The following CYCS variants were observed in gnomAD, a reference collection of about 807,000 sequenced individuals.
CYCS encodes the protein cytochrome c, somatic.
For synonymous variants in CYCS, 41 were observed against 43.0 expected (o/e 0.95, Z 0.18); for missense variants, 87 against 125.3 (o/e 0.69, Z 1.46).
At chr7:25,124,275 T>C (rs1783408715) in intron 1 of CYCS, 148 bp from the exon 2 acceptor site, 3 of 709,680 alleles carry the variant, frequency 4.2e-6, no homozygotes, top group East Asian at 2.7e-5. Context: ...TTTAATACTC[T>C]TTATACCAAA....
rs1476375421 is a variant in CYCS, at chr7:25,121,646, A to C, written c.*2055T>G. 6.6e-6 allele frequency: 1 copy of C among 152,134 alleles called. No homozygotes were observed. Among genetic ancestry groups the C allele is most frequent in the Non-Finnish European group, 1.5e-5 (1 of 68,022 alleles). 9.4% of individuals were successfully genotyped at this position (152,134 alleles called of 1,614,324 possible). A position where few individuals can be genotyped will look rare whatever the true frequency, so the allele number is the denominator to read the frequency against. On this transcript the variant is annotated 3_prime_UTR_variant, in exon 3 of 3. Transcript: ENST00000305786. Reference sequence around the variant, plus strand: ...AATAAGATTTCTGAATTTGAAAACCAGGCAGGGCCTGGTGGCTCACGCCTG... The same window carrying C: ...AATAAGATTTCTGAATTTGAAAACCCGGCAGGGCCTGGTGGCTCACGCCTG...
Position 25,124,077 on chromosome 7 carries a change from A to C in CYCS, c.43T>G (p.Cys15Gly). The change falls in exon 2 of 3, where the codon TGT becomes GGT. Residue 15 changes from cysteine (C) to glycine (G), a missense_variant. Coordinates refer to ENST00000305786, the MANE Select transcript of CYCS (RefSeq NM_018947.6). ...EKGKKIFIMK[C>G]SQCHTVEKGG... ...TTTTCAACGGTGTGGCACTGGGAAC[A>C]CTTCATAATAAAAATCTTCTTGCCT... The C allele has an allele frequency of 6.2e-7, 1 of 1,613,932 alleles. No homozygotes were observed. The highest frequency in any genetic ancestry group is 1.1e-5 in the South Asian group (1 of 91,078).
In CYCS at chr7:25,123,511, A is replaced by T. The variant is rs1783394049; in HGVS notation, c.*190T>A. On this transcript the variant is annotated 3_prime_UTR_variant, in exon 3 of 3. Coordinates refer to ENST00000305786, the MANE Select transcript of CYCS (RefSeq NM_018947.6). Reference sequence around the variant, plus strand: ...CATTTACTGAATTGGAGTTACTATTAAAATTCAAAAACTGAACATATTCAT... The same window carrying T: ...CATTTACTGAATTGGAGTTACTATTTAAATTCAAAAACTGAACATATTCAT... 5.0e-6 allele frequency: 3 copies of T among 603,020 alleles called. No individual in the cohort carries two copies. The highest frequency in any genetic ancestry group is 2.8e-5 in the Admixed American group (1 of 35,484). The allele number at this position is 603,020 out of a possible 1,614,324, so 37.4% of individuals were successfully genotyped here.
Position 25,122,663 on chromosome 7 carries a change from C to T in CYCS, c.*1038G>A, listed in dbSNP as rs1018139470. 6.6e-6 allele frequency: 1 copy of T among 152,208 alleles called. No homozygotes were observed. The highest frequency in any genetic ancestry group is 2.4e-5 in the African/African-American group (1 of 41,436). 9.4% of individuals were successfully genotyped at this position (152,208 alleles called of 1,614,324 possible). ...AAGAGTCAATTAGTGAAGTGTTATT[C>T]TAGTTGAGGCAGTCCTAGAAAACCA... On this transcript the variant is annotated 3_prime_UTR_variant, in exon 3 of 3. Coordinates refer to ENST00000305786, the MANE Select transcript of CYCS (RefSeq NM_018947.6).
intron 1 of CYCS, chr7:25,124,622 C>T (rs1011989972): frequency 2.6e-5 from 5 of 193,316 alleles, no homozygotes; most frequent in African/African-American, 4.8e-5. Context: ...TAGCTTGACA[C>T]TCGAACTTGT....
At position 25,121,183 on chromosome 7, in the gene CYCS, A is replaced by G. The variant is rs1273367303; in HGVS notation, c.*2518T>C. ...TTTAAACCACCAGAAGTGCTTGGGT[A>G]TAACTGACCTAGAACATGGCAGTTA... On this transcript the variant is annotated 3_prime_UTR_variant, in exon 3 of 3. Coordinates refer to ENST00000305786, the MANE Select transcript of CYCS (RefSeq NM_018947.6). The G allele has an allele frequency of 2.0e-5, 3 of 152,202 alleles. No homozygotes were observed. The highest frequency in any genetic ancestry group is 4.4e-5 in the Non-Finnish European group (3 of 68,038). The allele number at this position is 152,202 out of a possible 1,614,324, so 9.4% of individuals were successfully genotyped here.
Position 25,120,210 on chromosome 7 carries a change from C to G in CYCS, c.*3491G>C, listed in dbSNP as rs1403498212. 1.3e-5 allele frequency: 2 copies of G among 152,070 alleles called. No individual in the cohort carries two copies. Among genetic ancestry groups the G allele is most frequent in the Non-Finnish European group, 2.9e-5 (2 of 68,042 alleles). The allele number at this position is 152,070 out of a possible 1,614,324, so 9.4% of individuals were successfully genotyped here. The stretch of plus-strand genomic sequence containing the variant: ...AAGTGATTCTTGTGCCTCAGCCTCC[C>G]AAGTAGCTGAGATTACAGGTGCCCA... On this transcript the variant is annotated 3_prime_UTR_variant, in exon 3 of 3. Transcript: ENST00000305786.
chr7:25,125,160 C>G (rs1378542950), intron 1 of CYCS, 40 bp downstream of exon 1: 1 of 152,890 alleles, frequency 6.5e-6, no homozygotes, highest in Non-Finnish European at 1.5e-5. Context: ...TCCCACAGCT[C>G]TGCCTCTAAC....
intron 2 of CYCS, 26 bp from the exon 3 acceptor site, chr7:25,123,875 A>C: frequency 6.2e-7 from 1 of 1,614,106 alleles, no homozygotes; most frequent in Non-Finnish European, 8.5e-7. Context: ...TGCATCGGTT[A>C]TTTCACACTC....
intron 1 of CYCS, chr7:25,124,812 GC>G (rs1783420703): frequency 6.5e-6 from 1 of 153,026 alleles, no homozygotes; most frequent in Admixed American, 6.5e-5. Flanking sequence ...AAAAGAACTG[GC>G]CCCTTATTAG....
At chr7:25,125,024 T>A (rs1013834813) in intron 1 of CYCS, 176 bp downstream of exon 1, 1 of 151,926 alleles carries the variant, frequency 6.6e-6, no homozygotes, top group African/African-American at 2.4e-5. Flanking sequence ...CCGCCGCACC[T>A]CAAGCCGTTA....
chr7:25,124,237 T>C, intron 1 of CYCS, 110 bp from the exon 2 acceptor site: 1 of 813,726 alleles, frequency 1.2e-6, no homozygotes, highest in Non-Finnish European at 2.1e-6. Flanking sequence ...ATTTATGTCA[T>C]TAAATACCAG....
chr7:25,124,884 G>C (rs556013342), intron 1 of CYCS: 1 of 152,432 alleles, frequency 6.6e-6, no homozygotes, highest in Non-Finnish European at 1.5e-5. Flanking sequence ...GGCTTTCCAG[G>C]AGGGAAGTCT....
intron 1 of CYCS, chr7:25,124,708 A>C (rs1783418169): frequency 6.3e-6 from 1 of 159,646 alleles, no homozygotes; most frequent in Non-Finnish European, 1.4e-5. Context: ...TCCTGGGGCG[A>C]CCACGAGGTC....
In CYCS at chr7:25,120,392, A is replaced by G. The variant is rs747810309; in HGVS notation, c.*3309T>C. 4.6e-5 allele frequency: 7 copies of G among 152,036 alleles called. No homozygotes were observed. Among genetic ancestry groups the G allele is most frequent in the Non-Finnish European group, 8.8e-5 (6 of 67,950 alleles). The allele number at this position is 152,036 out of a possible 1,614,324, so 9.4% of individuals were successfully genotyped here. Reference sequence around the variant, plus strand: ...TGAGCGACCATGCCCGGCTAATTCTAGATTTAATAGAGTAAAGAGAAAGTA... The same window carrying G: ...TGAGCGACCATGCCCGGCTAATTCTGGATTTAATAGAGTAAAGAGAAAGTA... On this transcript the variant is annotated 3_prime_UTR_variant, in exon 3 of 3. Transcript: ENST00000305786.
At chr7:25,124,194 C>T (rs1783407197) in intron 1 of CYCS, 67 bp from the exon 2 acceptor site, 9 of 1,154,668 alleles carry the variant, frequency 7.8e-6, no homozygotes, top group Non-Finnish European at 1.2e-5. Context: ...AATGAATGAC[C>T]ACTCTAGCCA....
At position 25,119,102 on chromosome 7, in the gene CYCS, A is replaced by G. The variant is rs140347107; in HGVS notation, c.*4599T>C. On this transcript the variant is annotated 3_prime_UTR_variant, in exon 3 of 3. Transcript: ENST00000305786. Reference sequence around the variant, plus strand: ...AGTATGTACCCCGACAGTGCCTAGAAGAGACTTATGTGGGAGACAAAGTTT... The same window carrying G: ...AGTATGTACCCCGACAGTGCCTAGAGGAGACTTATGTGGGAGACAAAGTTT... Among the ~76,000 whole-genome samples the G allele has an allele frequency of 1.4e-3, 214 of 152,346 alleles. 2 individuals carry two copies. Among genetic ancestry groups the G allele is most frequent in the African/African-American group, 5.0e-3 (207 of 41,578 alleles).
Position 25,119,247 on chromosome 7 carries a change from G to A in CYCS, c.*4454C>T, listed in dbSNP as rs539908606. On this transcript the variant is annotated 3_prime_UTR_variant, in exon 3 of 3. Coordinates refer to ENST00000305786, the MANE Select transcript of CYCS (RefSeq NM_018947.6). ...ATACTGATGACGGATTGCCAAAAGAGCTCATGAATGAATATTTTCCATTCT... is the reference window on the plus strand; with the variant it reads ...ATACTGATGACGGATTGCCAAAAGAACTCATGAATGAATATTTTCCATTCT... Among the ~76,000 whole-genome samples the A allele has an allele frequency of 6.6e-6, 1 of 152,290 alleles. No individual in the cohort carries two copies. Among genetic ancestry groups the A allele is most frequent in the South Asian group, 2.1e-4 (1 of 4,818 alleles).
rs931285360 is a variant in CYCS at position 25,120,011 on chromosome 7, G to C, written c.*3690C>G. 2.0e-5 allele frequency: 3 copies of C among 152,064 alleles called. No individual in the cohort carries two copies. The highest frequency in any genetic ancestry group is 7.2e-5 in the African/African-American group (3 of 41,478). The allele number at this position is 152,064 out of a possible 1,614,324, so 9.4% of individuals were successfully genotyped here. A position where few individuals can be genotyped will look rare whatever the true frequency, so the allele number is the denominator to read the frequency against. On this transcript the variant is annotated 3_prime_UTR_variant, in exon 3 of 3. Transcript: ENST00000305786. ...CAACTTACGAATAGGTAAAACTTAT[G>C]GTAAAATTATAAAGGTGAGCACAAC...
Sources: allele counts gnomAD v4.1 joint callset (sites outside exome capture counted in the v4.1 genomes callset), GRCh38; gene constraint gnomAD v4.1.1; transcripts MANE v1.5; gene names NCBI Gene and HGNC (gene_info 2026-07-23, HGNC 2026-07-21).